Variants in DIP2B observed in about 807,000 individuals in gnomAD.
DIP2B encodes the protein DIP2 acetate--CoA ligase B (putative), also known as disco-interacting protein 2 homolog B.
DIP2B carries 76 observed loss-of-function variants against 198.0 expected under a neutral mutation model. The observed-to-expected ratio is 0.38, with a 90% CI of 0.32 to 0.46. The LOEUF is 0.46. Ranked by LOEUF, DIP2B falls within the 20% of genes least tolerant of loss-of-function variation. The probability of loss-of-function intolerance (pLI) is 0.99; values close to 1 mark genes in which losing one functional copy is unlikely to be tolerated. For synonymous variants in DIP2B, 701 were observed against 739.1 expected (o/e 0.95, Z 0.84); for missense variants, 1,559 against 1,978.4 (o/e 0.79, Z 4.02).
rs1399057466 is a variant in DIP2B, at chr12:50,708,488, A to G, written c.2575A>G (p.Ile859Val). ...FSVSVFYDER[I>V]VVVAEQRPDA... ...TGTGTCTGTATTTTATGATGAGCGC[A>G]TTGTGGTGGTTGCGGAACAAAGACC... The change falls in exon 22 of 38, where the codon ATT (isoleucine) becomes GTT (valine). Residue 859 changes from isoleucine to valine, a missense_variant. By Grantham distance (29) the Ile-to-Val change is conservative. Coordinates refer to ENST00000301180, the MANE Select transcript of DIP2B (RefSeq NM_173602.3). 9.9e-6 allele frequency: 16 copies of G among 1,608,174 alleles called. No individual in the cohort carries two copies. The highest frequency in any genetic ancestry group is 1.4e-5 in the Non-Finnish European group (16 of 1,177,150).
At chr12:50,651,175 T>C (rs1474841273) in intron 3 of DIP2B, among the ~76,000 whole-genome samples, 1 of 152,200 alleles carries the variant, frequency 6.6e-6, no homozygotes, top group African/African-American at 2.4e-5. Flanking sequence ...ATTTAGAAAC[T>C]TGGGTTAATT....
chr12:50,724,005 G>T (rs1939887135), intron 27 of DIP2B, among the ~76,000 whole-genome samples: 1 of 152,184 alleles, frequency 6.6e-6, no homozygotes. Context: ...TGAGATCCTA[G>T]TGTTTACAGC....
intron 2 of DIP2B, among the ~76,000 whole-genome samples, chr12:50,629,860 C>A (rs1251971073): frequency 2.0e-5 from 3 of 152,038 alleles, no homozygotes; most frequent in African/African-American, 7.2e-5. Flanking sequence ...TAAAAGTCAT[C>A]CTCAACGTCC....
At chr12:50,559,167 C>T (rs1047736591) in intron 1 of DIP2B, among the ~76,000 whole-genome samples, 1 of 152,140 alleles carries the variant, frequency 6.6e-6, no homozygotes, top group African/African-American at 2.4e-5. Context: ...CCAGTACTTC[C>T]CCAAGGGACA....
chr12:50,558,309 C>T (rs141566267), intron 1 of DIP2B, among the ~76,000 whole-genome samples: 4 of 152,234 alleles, frequency 2.6e-5, no homozygotes, highest in East Asian at 1.9e-4. Context: ...TTAGGGGTAG[C>T]ACAAGTAATA....
At chr12:50,635,957 T>C (rs746310872) in intron 2 of DIP2B, among the ~76,000 whole-genome samples, 23 of 152,160 alleles carry the variant, frequency 1.5e-4, no homozygotes, top group Non-Finnish European at 3.2e-4. Context: ...TACTAAATGC[T>C]TGCAATATGA....
At chr12:50,701,003 C>A (rs543529906) in intron 19 of DIP2B, among the ~76,000 whole-genome samples, 5 of 152,152 alleles carry the variant, frequency 3.3e-5, no homozygotes, top group African/African-American at 1.2e-4. Flanking sequence ...TGAGCCGTTG[C>A]GCCTGTAATT....
At position 50,698,457 on chromosome 12, in the gene DIP2B, A is replaced by G. The variant is rs781751280; in HGVS notation, c.2178A>G (p.Val726=). Residue 726 remains valine (V), a synonymous_variant, in exon 18 of 38, where the codon GTA becomes GTG. Transcript: ENST00000301180. The part of the protein sequence containing the change: ...SALTVQDVGH[V]MPGGMMCIVK... ...TGACGGTCCAGGATGTAGGGCATGT[A>G]ATGCCTGGTGGTGAGTCGCAAGGAG... 1.2e-6 allele frequency: 2 copies of G among 1,613,370 alleles called. No homozygotes were observed. Among genetic ancestry groups the G allele is most frequent in the Non-Finnish European group, 1.7e-6 (2 of 1,179,600 alleles).
At chr12:50,681,623 C>G (rs1277499602) in intron 9 of DIP2B, among the ~76,000 whole-genome samples, 1 of 152,010 alleles carries the variant, frequency 6.6e-6, no homozygotes, top group African/African-American at 2.4e-5. Flanking sequence ...TAATGACTTT[C>G]TAAATATGAT....
intron 1 of DIP2B, among the ~76,000 whole-genome samples, chr12:50,604,013 G>A (rs1303362113): frequency 6.6e-6 from 1 of 152,002 alleles, no homozygotes. Context: ...GCATTGACCA[G>A]AGTACCAAAT....
intron 1 of DIP2B, among the ~76,000 whole-genome samples, chr12:50,589,734 A>T (rs1424897488): frequency 6.6e-6 from 1 of 152,146 alleles, no homozygotes; most frequent in Non-Finnish European, 1.5e-5. Flanking sequence ...GGGCCAGATA[A>T]TGATTGCTCT....
At chr12:50,653,346 C>CTTTTTTTTTTTTTTTTT (rs34185073) in intron 3 of DIP2B, among the ~76,000 whole-genome samples, 2 of 76,628 alleles carry the variant, frequency 2.6e-5, no homozygotes, top group Non-Finnish European at 4.8e-5. Flanking sequence ...TTTTTCTTTT[C>CTTTTTTTTTTTTTTTTT]TTTTTTTTTT....
chr12:50,683,835 G>T (rs1325370286), intron 10 of DIP2B, among the ~76,000 whole-genome samples: 10 of 151,998 alleles, frequency 6.6e-5, no homozygotes, highest in Admixed American at 6.6e-4. Flanking sequence ...GGGGCAACTG[G>T]ACATGGTGGC....
chr12:50,662,241 TG>T (rs1938662460), intron 4 of DIP2B, among the ~76,000 whole-genome samples: 1 of 152,228 alleles, frequency 6.6e-6, no homozygotes, highest in African/African-American at 2.4e-5. Flanking sequence ...ATTTATCTCC[TG>T]TTCTGGGGAT....
chr12:50,670,136 A>T (rs1592119485), intron 4 of DIP2B, among the ~76,000 whole-genome samples: 1 of 85,354 alleles, frequency 1.2e-5, no homozygotes, highest in Non-Finnish European at 2.1e-5. Flanking sequence ...TTTTTTACCC[A>T]CCCCCCACCC....
intron 16 of DIP2B, among the ~76,000 whole-genome samples, chr12:50,696,386 C>T (rs2139555244): frequency 6.6e-6 from 1 of 152,348 alleles, no homozygotes; most frequent in East Asian, 1.9e-4. Flanking sequence ...TTCCTTGTTA[C>T]TACCAGGAAA....
intron 5 of DIP2B, 90 bp from the exon 6 acceptor site, chr12:50,674,384 T>C: frequency 2.1e-6 from 3 of 1,434,172 alleles, no homozygotes; most frequent in Non-Finnish European, 2.9e-6. Context: ...TTATGTACTT[T>C]TCTTCCTTGT....
chr12:50,649,071 A>G (rs973642421), intron 3 of DIP2B, among the ~76,000 whole-genome samples: 3 of 152,314 alleles, frequency 2.0e-5, no homozygotes, highest in Middle Eastern at 3.4e-3. Context: ...ACCTTTATGA[A>G]AAAAACTTTA....
At chr12:50,691,753 T>C (rs1318626248) in intron 13 of DIP2B, among the ~76,000 whole-genome samples, 1 of 139,180 alleles carries the variant, frequency 7.2e-6, no homozygotes, top group Non-Finnish European at 1.7e-5. Flanking sequence ...TGCCCTTAAA[T>C]AAGGATTGAT....
Sources: gnomAD v4.1 joint callset for allele counts (sites outside exome capture counted in the v4.1 genomes callset) on GRCh38, gnomAD v4.1.1 for gene constraint, MANE v1.5 for transcripts, NCBI Gene and HGNC (gene_info 2026-07-23, HGNC 2026-07-21) for gene names.